KIF21B: variants seen among roughly 807,000 people sequenced by gnomAD.
KIF21B encodes kinesin family member 21B.
KIF21B carries 85 observed loss-of-function variants against 192.9 expected under a neutral mutation model. The observed-to-expected ratio is 0.44, with a 90% CI of 0.37 to 0.53. KIF21B has a LOEUF of 0.53. Ranked by LOEUF, KIF21B falls within the 20% of genes least tolerant of loss-of-function variation. The pLI is 0.00. For synonymous variants in KIF21B, 832 were observed against 884.6 expected, an observed-to-expected ratio of 0.94 and a Z score of 1.05; for missense variants, 1,716 against 2,194.8, an observed-to-expected ratio of 0.78 and a Z score of 4.36.
chr1:201,013,105 A>T (rs1658325391), intron 1 of KIF21B, among the ~76,000 whole-genome samples: 1 of 152,196 alleles, frequency 6.6e-6, no homozygotes, highest in Non-Finnish European at 1.5e-5. Context: ...GCGGTGGCAG[A>T]CACTGTCTCA....
intron 1 of KIF21B, among the ~76,000 whole-genome samples, chr1:201,011,743 C>T (rs1045482727): frequency 2.3e-4 from 35 of 152,230 alleles, no homozygotes; most frequent in African/African-American, 8.2e-4. Flanking sequence ...CCTCTGAGGA[C>T]CCTCCAGCTC....
Position 201,008,804 on chromosome 1 carries a change from C to T in KIF21B, c.412G>A (p.Gly138Arg), listed in dbSNP as rs1324852358. 2 of 1,604,314 alleles carry T rather than the reference C, an allele frequency of 1.2e-6. No homozygotes were observed. The highest frequency in any genetic ancestry group is 8.5e-7 in the Non-Finnish European group (1 of 1,179,742). Residue 138 changes from glycine (G) to arginine (R), a missense_variant, in exon 3 of 35, where the codon GGA (glycine) becomes AGA (arginine). Gly to Arg is a moderately radical substitution (Grantham distance 125). Around this residue, in one of 3 missense-constraint regions of KIF21B, gnomAD observed 1,087 missense variants for 1,316.6 expected, o/e 0.83. Coordinates refer to ENST00000461742, the MANE Select transcript of KIF21B (RefSeq NM_001252102.2). ...KRRAQEQGVA[G>R]PEFKVSAQFL... Reference sequence around the variant, plus strand: ...TGGGCGCTGACTTTGAACTCAGGTCCAGCCACGCCCTGCTCCTGTGCCCGG... The same window carrying T: ...TGGGCGCTGACTTTGAACTCAGGTCTAGCCACGCCCTGCTCCTGTGCCCGG...
chr1:200,992,346 C>G lies in KIF21B; in HGVS notation c.2321G>C (p.Arg774Pro). 6.2e-7 allele frequency: 1 copy of G among 1,613,016 alleles called. No individual in the cohort carries two copies. The highest frequency in any genetic ancestry group is 8.5e-7 in the Non-Finnish European group (1 of 1,179,974). Reference protein sequence around the residue: ...KQMREEQQRRRLVETKRNREI... With the variant: ...KQMREEQQRRPLVETKRNREI... ...CCGGTTCCTCTTGGTCTCCACTAGC[C>G]GCCGCCGCTGTTGCTCCTCACGCAT... Residue 774 changes from arginine to proline, a missense_variant, in exon 16 of 35, where the codon CGG becomes CCG. Arg to Pro is a moderately radical substitution (Grantham distance 103). Around this residue, in one of 3 missense-constraint regions of KIF21B, gnomAD observed 1,087 missense variants for 1,316.6 expected, o/e 0.83. Transcript: ENST00000461742.
chr1:200,992,275 C>G lies in KIF21B; in HGVS notation c.2385+7G>C. Reference sequence around the variant, plus strand: ...GGCTCCTGGGAGGCTCAAGGGCCACCCCTCACCTCCTGTCGCCGCTGCTCC... The same window carrying G: ...GGCTCCTGGGAGGCTCAAGGGCCACGCCTCACCTCCTGTCGCCGCTGCTCC... On this transcript the variant is annotated splice_region_variant and intron_variant, in intron 16 of 34. Transcript: ENST00000461742. 1 of 1,610,332 alleles carries G rather than the reference C, an allele frequency of 6.2e-7. No individual in the cohort carries two copies. Among genetic ancestry groups the G allele is most frequent in the Non-Finnish European group, 8.5e-7 (1 of 1,179,652 alleles).
Position 200,998,352 on chromosome 1 carries a change from G to A in KIF21B, c.2077+32C>T. On this transcript the variant is annotated intron_variant, in intron 14 of 34. Transcript: ENST00000461742. The surrounding 1 kb of genome is among the most constrained non-coding windows in gnomAD (Gnocchi z 4.3). ...GGGCTCAGGGAAAAGGGAGGGTCCG[G>A]ATGGGGTGGAGGGGCATGGCGGTGG... 6.3e-7 allele frequency: 1 copy of A among 1,588,396 alleles called. No homozygotes were observed. The highest frequency in any genetic ancestry group is 8.6e-7 in the Non-Finnish European group (1 of 1,163,978).
intron 27 of KIF21B, among the ~76,000 whole-genome samples, chr1:200,984,643 A>G (rs1656167163): frequency 6.6e-6 from 1 of 152,162 alleles, no homozygotes. Context: ...CCCTCTCCTG[A>G]GGTCCTGGCA....
intron 27 of KIF21B, 30 bp downstream of exon 27, chr1:200,984,829 C>A: frequency 6.8e-7 from 1 of 1,478,898 alleles, no homozygotes; most frequent in Non-Finnish European, 9.1e-7. Flanking sequence ...CCTCAGTGCC[C>A]TCCCCCACTT....
chr1:201,010,237 G>A (rs1368141142), intron 1 of KIF21B, among the ~76,000 whole-genome samples: 2 of 152,152 alleles, frequency 1.3e-5, no homozygotes, highest in African/African-American at 4.8e-5. Flanking sequence ...GGGCGGGGGA[G>A]GGCAGACCTG....
intron 30 of KIF21B, 27 bp from the exon 31 acceptor site, chr1:200,977,403 G>C (rs1655631151): frequency 1.2e-6 from 2 of 1,610,766 alleles, no homozygotes; most frequent in South Asian, 2.2e-5. Flanking sequence ...GGCAAGGCCA[G>C]AGGTCAAAAC....
Position 201,023,623 on chromosome 1 carries a change from T to C in KIF21B, c.-240A>G, listed in dbSNP as rs1659009548. On this transcript the variant is annotated 5_prime_UTR_variant, in exon 1 of 35. Coordinates refer to ENST00000461742, the MANE Select transcript of KIF21B (RefSeq NM_001252102.2). This position sits in a 1 kb window ranked among gnomAD's most constrained non-coding sequence, Gnocchi z 5.9. ...CATCGGGCGGCGGCGCGGAGCTAGC[T>C]GACAGCCGGCGGCGCGACCCGCCGC... 1 of 150,160 alleles carries C rather than the reference T, an allele frequency of 6.7e-6. No individual in the cohort carries two copies. The highest frequency in any genetic ancestry group is 6.6e-5 in the Admixed American group (1 of 15,038). The allele number at this position is 150,160 out of a possible 1,614,324, so 9.3% of individuals were successfully genotyped here.
intron 31 of KIF21B, 108 bp downstream of exon 31, chr1:200,977,104 G>C: frequency 7.7e-7 from 1 of 1,292,706 alleles, no homozygotes; most frequent in Non-Finnish European, 1.1e-6. Context: ...GGGGAATAAA[G>C]GTGTTGCTGA....
At chr1:200,996,417 T>C in intron 14 of KIF21B, 22 bp from the exon 15 acceptor site, 2 of 1,610,210 alleles carry the variant, frequency 1.2e-6, no homozygotes, top group Non-Finnish European at 1.7e-6. Flanking sequence ...GAGACGCAGC[T>C]GTCGGTGCTG....
intron 1 of KIF21B, among the ~76,000 whole-genome samples, chr1:201,021,891 C>A (rs908288301): frequency 6.6e-6 from 1 of 152,188 alleles, no homozygotes; most frequent in Non-Finnish European, 1.5e-5. Flanking sequence ...TCCCACCCCC[C>A]AGCCATGCAC....
rs753664651 is a variant in KIF21B at position 200,977,266 on chromosome 1, C to G, written c.4271G>C (p.Gly1424Ala). The G allele has an allele frequency of 6.2e-7, 1 of 1,614,164 alleles. No homozygotes were observed. The highest frequency in any genetic ancestry group is 2.2e-5 in the East Asian group (1 of 44,880). ...GCCCGAGGCGGCGTACAGCATGGTG[C>G]CCGAAGGGCTGAGGGCGATCTGGTT... is the stretch of plus-strand genomic sequence containing the variant. ...QINQIALSPS[G>A]TMLYAASGNA... is the part of the protein sequence containing the mutation. The change falls in exon 31 of 35, where the codon GGC (glycine) becomes GCC (alanine). Residue 1424 changes from glycine (G) to alanine (A), a missense_variant. Physicochemically the swap from Gly to Ala is moderately conservative, Grantham distance 60 (BLOSUM62 0). This residue lies in a region of KIF21B where 580 missense variants were observed against 775.5 expected (regional missense o/e 0.75). Transcript: ENST00000461742.
chr1:201,020,661 C>T (rs1658764696), intron 1 of KIF21B, among the ~76,000 whole-genome samples: 1 of 152,188 alleles, frequency 6.6e-6, no homozygotes, highest in Non-Finnish European at 1.5e-5. Context: ...AAAGTTTCCT[C>T]CTCCGGCTCT....
At chr1:200,979,807 G>C in intron 29 of KIF21B, 92 bp from the exon 30 acceptor site, 2 of 1,114,734 alleles carry the variant, frequency 1.8e-6, no homozygotes. Context: ...CCAGGATAGG[G>C]GAAAGGGATC....
At chr1:200,974,243 G>C (rs1271289835) in intron 34 of KIF21B, 1 of 1,510,948 alleles carries the variant, frequency 6.6e-7, no homozygotes, top group African/African-American at 1.4e-5. Context: ...GGAGGAGATG[G>C]GAAGGGGAGG....
At chr1:201,008,987 C>T (rs774556413) in intron 2 of KIF21B, 36 bp from the exon 3 acceptor site, 140 of 1,569,690 alleles carry the variant, frequency 8.9e-5, no homozygotes, top group Non-Finnish European at 2.1e-5. Context: ...TAACCCTGCA[C>T]CCTTTGGGGG....
intron 1 of KIF21B, among the ~76,000 whole-genome samples, chr1:201,019,023 C>G (rs1185233720): frequency 6.6e-6 from 1 of 152,220 alleles, no homozygotes; most frequent in Non-Finnish European, 1.5e-5. Flanking sequence ...CAACCTCCGC[C>G]TCCCAGGTTC....
Sources: gnomAD v4.1 joint callset for allele counts (sites outside exome capture counted in the v4.1 genomes callset) on GRCh38, gnomAD v4.1.1 for gene constraint, gnomAD v4.1.1 regional missense constraint, Gnocchi (gnomAD v3.1) non-coding constraint, MANE v1.5 for transcripts, NCBI Gene and HGNC (gene_info 2026-07-23, HGNC 2026-07-21) for gene names.